The following TBC1D9 variants were observed in gnomAD, a reference collection of about 807,000 sequenced individuals.
TBC1D9 encodes the protein TBC1 domain family member 9A.
A neutral mutation model predicts 132.0 loss-of-function variants in TBC1D9; 63 were observed. The observed-to-expected ratio is 0.48, with a 90% CI of 0.39 to 0.59. TBC1D9 has a LOEUF of 0.59. Among genes scored for constraint, TBC1D9 ranks in the 20% least tolerant of loss-of-function variants. TBC1D9 has a pLI of 0.00. For missense variants in TBC1D9, 1,261 were observed against 1,592.7 expected (o/e 0.79, Z 3.54); for synonymous variants, 610 against 609.9 (o/e 1.00, Z 0.00).
chr4:140,689,068 C>T (rs1313464708), intron 2 of TBC1D9, among the ~76,000 whole-genome samples: 1 of 152,072 alleles, frequency 6.6e-6, no homozygotes, highest in Non-Finnish European at 1.5e-5. Context: ...CACCTCAGGA[C>T]AGAGGTACTC....
At chr4:140,624,441 T>C in intron 18 of TBC1D9, 53 bp from the exon 19 acceptor site, 1 of 1,507,602 alleles carries the variant, frequency 6.6e-7, no homozygotes, top group Non-Finnish European at 9.1e-7. Context: ...AATATGACCA[T>C]GGAATTAGCA....
chr4:140,622,863 TG>T lies in TBC1D9; in HGVS notation c.3132del (p.Asn1045MetfsTer12). 6.3e-7 allele frequency: 1 copy of T among 1,589,700 alleles called. No homozygotes were observed. The highest frequency in any genetic ancestry group is 8.5e-7 in the Non-Finnish European group (1 of 1,170,510). ...KTMYNMFSED[P>X]NEQELYHATA... ...GTGGCGTGGTACAGCTCCTGCTCAT[TG>T]GGGTCTTCGCTGAACATGTTATACA... On this transcript the variant is annotated frameshift_variant, in exon 21 of 21. Transcript: ENST00000442267. LOFTEE classifies it high-confidence loss of function.
intron 5 of TBC1D9, 71 bp from the exon 6 acceptor site, chr4:140,677,172 G>T: frequency 6.4e-7 from 1 of 1,564,732 alleles, no homozygotes; most frequent in East Asian, 2.2e-5. Flanking sequence ...AGCAGCGGAA[G>T]TTCCCCCAGC....
intron 13 of TBC1D9, among the ~76,000 whole-genome samples, chr4:140,640,403 G>A (rs13122671): frequency 0.42 from 60,239 of 143,686 alleles, 13,462 homozygotes; most frequent in East Asian, 0.56. Context: ...TAAGATAAAC[G>A]TAGAGGAAGA....
intron 13 of TBC1D9, among the ~76,000 whole-genome samples, chr4:140,650,817 G>C (rs1194711415): frequency 6.6e-6 from 1 of 151,960 alleles, no homozygotes; most frequent in Admixed American, 6.6e-5. Flanking sequence ...TTACAGGAGT[G>C]AGCCACCATG....
intron 18 of TBC1D9, among the ~76,000 whole-genome samples, chr4:140,626,399 G>T (rs1238725896): frequency 6.6e-6 from 1 of 152,130 alleles, no homozygotes; most frequent in Admixed American, 6.5e-5. Flanking sequence ...CCCTCAACTT[G>T]TATTGCCAGT....
chr4:140,689,401 CTTCCCTTCCCTTCCCCCTT>C lies in TBC1D9; in HGVS notation c.242-2958_242-2940del, dbSNP rs1211356240. Among the ~76,000 whole-genome samples, 1,397 of 149,038 alleles carry C rather than the reference CTTCCCTTCCCTTCCCCCTT, an allele frequency of 9.4e-3. 24 individuals are homozygous for C. The highest frequency in any genetic ancestry group is 0.034 in the African/African-American group (1,344 of 40,002). On this transcript the variant is annotated intron_variant, in intron 2 of 20. Transcript: ENST00000442267. ...GCTTCCCTTCCTCCTTCCTTCCCCG[CTTCCCTTCCCTTCCCCCTT>C]TTCCCTTCCCTTCCCCTCCCATTCC...
chr4:140,641,390 A>G (rs982550681), intron 13 of TBC1D9, among the ~76,000 whole-genome samples: 3 of 152,252 alleles, frequency 2.0e-5, no homozygotes, highest in Non-Finnish European at 4.4e-5. Flanking sequence ...AGGAATTTGC[A>G]ACCATTTTTA....
chr4:140,687,625 G>A (rs1051036208), intron 2 of TBC1D9, among the ~76,000 whole-genome samples: 1 of 151,778 alleles, frequency 6.6e-6, no homozygotes, highest in Non-Finnish European at 1.5e-5. Context: ...CAGAACTGTG[G>A]CAGAACTAAA....
intron 1 of TBC1D9, among the ~76,000 whole-genome samples, chr4:140,701,950 C>G (rs950209725): frequency 1.3e-5 from 2 of 152,170 alleles, no homozygotes; most frequent in African/African-American, 4.8e-5. Flanking sequence ...CAAAACAAAC[C>G]CTGTGGGCAC....
intron 6 of TBC1D9, among the ~76,000 whole-genome samples, chr4:140,671,715 T>TGTGTGTGTGC (rs773942104): frequency 1.4e-5 from 2 of 145,308 alleles, no homozygotes; most frequent in African/African-American, 5.0e-5. Flanking sequence ...TGTGTGTGTG[T>TGTGTGTGTGC]GCCGAAGCCT....
chr4:140,644,145 T>C, intron 13 of TBC1D9: 1 of 372,526 alleles, frequency 2.7e-6, no homozygotes, highest in Non-Finnish European at 5.2e-6. Context: ...CAGGAAAGGG[T>C]AGGGCCTCCC....
intron 13 of TBC1D9, chr4:140,642,495 A>G: frequency 9.0e-7 from 1 of 1,108,976 alleles, no homozygotes; most frequent in Non-Finnish European, 1.4e-6. Flanking sequence ...TCCCCCCAGC[A>G]CTGTCTGAAA....
At chr4:140,712,965 A>G (rs1360776950) in intron 1 of TBC1D9, among the ~76,000 whole-genome samples, 1 of 152,196 alleles carries the variant, frequency 6.6e-6, no homozygotes, top group Non-Finnish European at 1.5e-5. Flanking sequence ...AATTATCACC[A>G]GACCAACTCA....
chr4:140,675,847 C>T (rs1451295091), intron 6 of TBC1D9, among the ~76,000 whole-genome samples: 1 of 152,152 alleles, frequency 6.6e-6, no homozygotes, highest in Non-Finnish European at 1.5e-5. Context: ...AGGGTGCCCT[C>T]AGACCTTGAG....
chr4:140,644,041 C>G (rs879005327), intron 13 of TBC1D9: 2 of 457,804 alleles, frequency 4.4e-6, no homozygotes, highest in South Asian at 4.1e-5. Flanking sequence ...ATGAGCTTGT[C>G]TTCGGGCGAG....
intron 16 of TBC1D9, among the ~76,000 whole-genome samples, chr4:140,631,107 T>C (rs1366653291): frequency 6.6e-6 from 1 of 152,248 alleles, no homozygotes; most frequent in East Asian, 1.9e-4. Flanking sequence ...TAATGAATTA[T>C]TTATCCAATG....
intron 1 of TBC1D9, among the ~76,000 whole-genome samples, chr4:140,733,130 G>A (rs1449992374): frequency 2.0e-5 from 3 of 151,938 alleles, no homozygotes; most frequent in Admixed American, 1.3e-4. Context: ...TCCATCCATG[G>A]TGGAAAAACA....
At chr4:140,625,537 G>C (rs535819463) in intron 18 of TBC1D9, among the ~76,000 whole-genome samples, 1 of 152,088 alleles carries the variant, frequency 6.6e-6, no homozygotes, top group Non-Finnish European at 1.5e-5. Flanking sequence ...ACTGTATTAC[G>C]TGTCAAATTA....
Sources: allele counts gnomAD v4.1 joint callset (sites outside exome capture counted in the v4.1 genomes callset), GRCh38; gene constraint gnomAD v4.1.1; transcripts MANE v1.5; gene names NCBI Gene and HGNC (gene_info 2026-07-23, HGNC 2026-07-21).